Variants in TNKS observed in about 807,000 individuals in gnomAD.
TNKS encodes the protein tankyrase.
Under a neutral mutation model 135.8 loss-of-function variants are expected in TNKS, and 72 were observed. The ratio of observed to expected loss-of-function variants is 0.53; its 90% CI spans 0.44 to 0.64. TNKS has a LOEUF of 0.64. Among genes scored for constraint, TNKS ranks in the 30% least tolerant of loss-of-function variants. TNKS has a pLI of 0.00. For synonymous variants in TNKS, 849 were observed against 649.3 expected, an observed-to-expected ratio of 1.31 and a Z score of -4.68; for missense variants, 1,769 against 1,674.0, an observed-to-expected ratio of 1.06 and a Z score of -0.99.
intron 5 of TNKS, among the ~76,000 whole-genome samples, chr8:9,694,761 CAAAAA>C (rs58723864): frequency 3.8e-5 from 5 of 132,214 alleles, no homozygotes; most frequent in East Asian, 2.3e-4. Context: ...GACTCTGTCT[CAAAAA>C]AAAAAAAAAA....
chr8:9,594,678 A>G (rs1330274565), intron 2 of TNKS, among the ~76,000 whole-genome samples: 3 of 152,202 alleles, frequency 2.0e-5, no homozygotes, highest in Non-Finnish European at 4.4e-5. Context: ...GCTTCTAAGA[A>G]TTATTTATAT....
At chr8:9,646,234 G>T (rs894839949) in intron 3 of TNKS, among the ~76,000 whole-genome samples, 5 of 151,446 alleles carry the variant, frequency 3.3e-5, no homozygotes, top group African/African-American at 4.8e-5. Context: ...AGATTTCCTT[G>T]TTTTTTTCAG....
chr8:9,613,952 G>A (rs955081489), intron 2 of TNKS, among the ~76,000 whole-genome samples: 1 of 152,140 alleles, frequency 6.6e-6, no homozygotes, highest in African/African-American at 2.4e-5. Context: ...TTTAAAGCAG[G>A]TTCTGCAGTT....
At chr8:9,683,076 A>C (rs1416668206) in intron 5 of TNKS, among the ~76,000 whole-genome samples, 1 of 152,068 alleles carries the variant, frequency 6.6e-6, no homozygotes, top group Non-Finnish European at 1.5e-5. Context: ...AATAATTAAC[A>C]ATTGCTCATC....
intron 26 of TNKS, among the ~76,000 whole-genome samples, chr8:9,775,033 G>T (rs533885208): frequency 6.6e-6 from 1 of 152,134 alleles, no homozygotes; most frequent in Non-Finnish European, 1.5e-5. Context: ...TCTCACACCA[G>T]AGTGTTCTTA....
chr8:9,614,650 G>T (rs186686201), intron 2 of TNKS, among the ~76,000 whole-genome samples: 1 of 152,226 alleles, frequency 6.6e-6, no homozygotes, highest in Admixed American at 6.5e-5. Context: ...ACTCATCAAC[G>T]GTAGTGCCTC....
In TNKS at chr8:9,730,913, G is replaced by T; in HGVS notation, c.2025G>T (p.Val675=). Residue 675 remains valine (V), a synonymous_variant, in exon 14 of 27, where the codon GTG becomes GTT. Transcript: ENST00000310430. ...TVKQLCSSQN[V]NCRDLEGRHS... ...AGCAACTTTGCAGCTCTCAAAATGT[G>T]AATTGTAGAGACTTAGAGGGCCGGC... is the stretch of plus-strand genomic sequence containing the variant. 1 of 1,613,480 alleles carries T rather than the reference G, an allele frequency of 6.2e-7. No individual in the cohort carries two copies. The highest frequency in any genetic ancestry group is 2.2e-5 in the East Asian group (1 of 44,862).
chr8:9,684,181 T>A (rs10104208), intron 5 of TNKS, among the ~76,000 whole-genome samples: 4,054 of 152,074 alleles, frequency 0.027, 125 homozygotes, highest in African/African-American at 0.077. Flanking sequence ...GAAAATAGGT[T>A]GTTGCCTTTC....
rs1804819746 is a variant in TNKS at position 9,720,461 on chromosome 8, T to C, written c.1837T>C (p.Tyr613His). 1 of 1,614,170 alleles carries C rather than the reference T, an allele frequency of 6.2e-7. No homozygotes were observed. The highest frequency in any genetic ancestry group is 8.5e-7 in the Non-Finnish European group (1 of 1,180,032). Residue 613 changes from tyrosine to histidine, a missense_variant, in exon 12 of 27, where the codon TAC (tyrosine) becomes CAC (histidine). Tyr to His is a moderately conservative substitution (Grantham distance 83). This residue lies in a region of TNKS where 523 missense variants were observed against 541.0 expected (regional missense o/e 0.97). Transcript: ENST00000310430. ...GCAGACCTGCCGCCTCCTGCTGAGT[T>C]ACGGCTCTGACCCCTCCATCATCTC... Reference protein sequence around the residue: ...HLQTCRLLLSYGSDPSIISLQ... With the variant: ...HLQTCRLLLSHGSDPSIISLQ...
In TNKS at chr8:9,556,145, A is replaced by G. The variant is rs1815282283; in HGVS notation, c.206A>G (p.Asp69Gly). 4 of 1,607,324 alleles carry G rather than the reference A, an allele frequency of 2.5e-6. No homozygotes were observed. The Admixed American group carries it at 5.0e-5, about 20-fold the overall frequency. Residue 69 changes from aspartate (D) to glycine (G), a missense_variant, in exon 1 of 27, where the codon GAT becomes GGT. Transcript: ENST00000310430. ...PRHGLALPEGDGSRDPPDRPR... is the reference protein window; with the variant it reads ...PRHGLALPEGGGSRDPPDRPR... ...CACGGCCTAGCGCTGCCGGAGGGGG[A>G]TGGCAGTCGGGATCCGCCCGACAGG...
In TNKS at chr8:9,656,602, A is replaced by C. The variant is rs549251047; in HGVS notation, c.995-23349A>C. On this transcript the variant is annotated intron_variant, in intron 3 of 26. Transcript: ENST00000310430. ...GCCAATATTCAACATTCTTAAAGAAAAGAATTTTCTTTTTTTTTTTTTTTA... is the reference window on the plus strand; with the variant it reads ...GCCAATATTCAACATTCTTAAAGAACAGAATTTTCTTTTTTTTTTTTTTTA... Among the ~76,000 whole-genome samples, 300 of 127,212 alleles carry C rather than the reference A, an allele frequency of 2.4e-3. 1 individual carries two copies. Among genetic ancestry groups the C allele is most frequent in the Non-Finnish European group, 3.0e-3 (185 of 61,514 alleles). The allele number at this position is 127,212 out of a possible 152,430, so 83.5% of individuals were successfully genotyped here.
intron 3 of TNKS, among the ~76,000 whole-genome samples, chr8:9,634,537 A>G (rs939215819): frequency 2.0e-5 from 3 of 152,212 alleles, no homozygotes; most frequent in African/African-American, 7.2e-5. Flanking sequence ...TATTTTATGT[A>G]TGTTGTAGGA....
At chr8:9,631,337 A>G (rs950151262) in intron 3 of TNKS, among the ~76,000 whole-genome samples, 1 of 152,214 alleles carries the variant, frequency 6.6e-6, no homozygotes, top group Non-Finnish European at 1.5e-5. Flanking sequence ...ATTAAGAACT[A>G]TCTAAGTCTT....
At chr8:9,614,191 A>G (rs1799557717) in intron 2 of TNKS, among the ~76,000 whole-genome samples, 1 of 152,246 alleles carries the variant, frequency 6.6e-6, no homozygotes, top group Non-Finnish European at 1.5e-5. Flanking sequence ...TGTACCCATT[A>G]TGATGAAAGA....
chr8:9,735,424 G>A lies in TNKS; in HGVS notation c.2581G>A (p.Ala861Thr). 6.2e-7 allele frequency: 1 copy of A among 1,614,064 alleles called. No homozygotes were observed. The highest frequency in any genetic ancestry group is 8.5e-7 in the Non-Finnish European group (1 of 1,180,012). The change falls in exon 17 of 27, where the codon GCT becomes ACT. Residue 861 changes from alanine (A) to threonine (T), a missense_variant. Physicochemically the swap from Ala to Thr is moderately conservative, Grantham distance 58. Around this residue, in one of 5 missense-constraint regions of TNKS, gnomAD observed 722 missense variants for 688.9 expected, o/e 1.05. Coordinates refer to ENST00000310430, the MANE Select transcript of TNKS (RefSeq NM_003747.3). ...EVAEYLLEHG[A>T]DVNAQDKGGL... Reference sequence around the variant, plus strand: ...AGCTGAATATCTTCTAGAGCATGGAGCTGATGTTAATGCCCAGGACAAGGG... The same window carrying A: ...AGCTGAATATCTTCTAGAGCATGGAACTGATGTTAATGCCCAGGACAAGGG...
At chr8:9,720,755 G>C (rs897306461) in intron 12 of TNKS, among the ~76,000 whole-genome samples, 15 of 152,036 alleles carry the variant, frequency 9.9e-5, no homozygotes, top group African/African-American at 3.1e-4. Flanking sequence ...GTTTTTTTAG[G>C]TTTAAATTGA....
intron 2 of TNKS, among the ~76,000 whole-genome samples, chr8:9,588,476 C>T (rs1798471776): frequency 6.6e-6 from 1 of 152,132 alleles, no homozygotes; most frequent in Non-Finnish European, 1.5e-5. Flanking sequence ...CAGGATTTCA[C>T]CATGTTAGCC....
intron 20 of TNKS, among the ~76,000 whole-genome samples, chr8:9,754,888 T>C (rs531035553): frequency 1.3e-5 from 2 of 152,310 alleles, no homozygotes; most frequent in African/African-American, 4.8e-5. Context: ...TAGGACAATA[T>C]CCTAAATAGT....
At chr8:9,691,009 G>GAA (rs1284810868) in intron 5 of TNKS, among the ~76,000 whole-genome samples, 1 of 152,178 alleles carries the variant, frequency 6.6e-6, no homozygotes, top group Admixed American at 6.5e-5. Context: ...AAGAGAGAGA[G>GAA]AGCTCGCTTG....
Sources: allele counts gnomAD v4.1 joint callset (sites outside exome capture counted in the v4.1 genomes callset), GRCh38; gene constraint gnomAD v4.1.1; regional missense constraint gnomAD v4.1.1; transcripts MANE v1.5; gene names NCBI Gene and HGNC (gene_info 2026-07-23, HGNC 2026-07-21).